SRPK1: variants seen among roughly 807,000 people sequenced by gnomAD.
SRPK1 encodes SFRS protein kinase 1.
SRPK1 carries 52 observed loss-of-function variants against 89.5 expected under a neutral mutation model. The ratio of observed to expected loss-of-function variants is 0.58; its 90% CI spans 0.46 to 0.73. The LOEUF is 0.73. SRPK1 is among the 30% of genes least tolerant of loss of function. The pLI, the probability that SRPK1 is intolerant of heterozygous loss-of-function variation, is 0.00. For missense variants in SRPK1, 603 were observed against 780.6 expected, an observed-to-expected ratio of 0.77 and a Z score of 2.71; for synonymous variants, 255 against 270.2, an observed-to-expected ratio of 0.94 and a Z score of 0.55.
chr6:35,870,480 T>C lies in SRPK1; in HGVS notation c.792A>G (p.Ser264=). 6.4e-7 allele frequency: 1 copy of C among 1,551,320 alleles called. No homozygotes were observed. Among genetic ancestry groups the C allele is most frequent in the Non-Finnish European group, 8.7e-7 (1 of 1,147,014 alleles). The change falls in exon 10 of 16, where the codon TCA becomes TCG. Residue 264 remains serine, a synonymous_variant. Coordinates refer to ENST00000373825, the MANE Select transcript of SRPK1 (RefSeq NM_003137.5). ...TCTTCAATTTCTTCTTCTTATTCTT[T>C]GACATTTTGTCAGCCTGGGCGGAGA... ...APQPKPADKM[S]KNKKKKLKKK... is the part of the protein sequence containing the mutation.
intron 2 of SRPK1, among the ~76,000 whole-genome samples, chr6:35,917,183 A>G (rs1325318644): frequency 6.6e-6 from 1 of 152,242 alleles, no homozygotes; most frequent in Non-Finnish European, 1.5e-5. Context: ...AGAGGGAGAT[A>G]GATGATTGTG....
In SRPK1 at chr6:35,918,512, G is replaced by GA. The variant is rs894384544; in HGVS notation, c.74+1955dup. On this transcript the variant is annotated intron_variant, in intron 2 of 15. Coordinates refer to ENST00000373825, the MANE Select transcript of SRPK1 (RefSeq NM_003137.5). The stretch of plus-strand genomic sequence containing the variant: ...TTTCTTTTTGCCTCAAAAAGAAAAA[G>GA]AAAAAAAAGGTAGGTAAATTCAAAA... Among the ~76,000 whole-genome samples the GA allele has an allele frequency of 4.0e-5, 6 of 150,572 alleles. No individual in the cohort carries two copies. In the South Asian group the frequency reaches 8.4e-4, roughly 21 times the overall value.
At chr6:35,876,142 T>C (rs1226303119) in intron 6 of SRPK1, among the ~76,000 whole-genome samples, 1 of 131,198 alleles carries the variant, frequency 7.6e-6, no homozygotes, top group Non-Finnish European at 1.6e-5. Flanking sequence ...TACGTAAGAT[T>C]AAAAGCACAT....
chr6:35,870,055 G>T (rs532870090), intron 10 of SRPK1, among the ~76,000 whole-genome samples, 154 bp from the exon 11 acceptor site: 7 of 152,288 alleles, frequency 4.6e-5, no homozygotes, highest in African/African-American at 1.7e-4. Context: ...GAAGGGCCAA[G>T]ATCTTACTTT....
At chr6:35,908,598 T>C (rs1237919453) in intron 2 of SRPK1, among the ~76,000 whole-genome samples, 1 of 152,144 alleles carries the variant, frequency 6.6e-6, no homozygotes, top group Non-Finnish European at 1.5e-5. Context: ...AAGAAATCAT[T>C]TGAAATTGGG....
At chr6:35,895,237 T>C (rs563840080) in intron 2 of SRPK1, among the ~76,000 whole-genome samples, 1 of 152,296 alleles carries the variant, frequency 6.6e-6, no homozygotes, top group East Asian at 1.9e-4. Flanking sequence ...GATTTTCTAC[T>C]TCAAAATCAA....
Position 35,834,487 on chromosome 6 carries a change from C to A in SRPK1, c.*817G>T, listed in dbSNP as rs1387215288. ...AAACTCAAGTGCAATGAGTAAAGTG[C>A]CAGCCATGGATACAAAAACAAAAAA... On this transcript the variant is annotated 3_prime_UTR_variant, in exon 16 of 16. Transcript: ENST00000373825. 3 of 152,100 alleles carry A rather than the reference C, an allele frequency of 2.0e-5. No homozygotes were observed. Among genetic ancestry groups the A allele is most frequent in the Non-Finnish European group, 4.4e-5 (3 of 68,030 alleles). The allele number at this position is 152,100 out of a possible 1,614,324, so 9.4% of individuals were successfully genotyped here. A position where few individuals can be genotyped will look rare whatever the true frequency, so the allele number is the denominator to read the frequency against.
chr6:35,917,955 A>T (rs1190980787), intron 2 of SRPK1, among the ~76,000 whole-genome samples: 1 of 152,192 alleles, frequency 6.6e-6, no homozygotes, highest in Non-Finnish European at 1.5e-5. Flanking sequence ...CCAAAGACCA[A>T]ACTCTATGGC....
At chr6:35,870,600 C>T in intron 9 of SRPK1, 106 bp from the exon 10 acceptor site, 1 of 1,050,948 alleles carries the variant, frequency 9.5e-7, no homozygotes, top group Non-Finnish European at 1.4e-6. Context: ...TTTCACAAAT[C>T]TTTCCCTAAC....
At chr6:35,841,954 CCA>C (rs1016874471) in intron 14 of SRPK1, among the ~76,000 whole-genome samples, 2 of 152,060 alleles carry the variant, frequency 1.3e-5, no homozygotes, top group African/African-American at 4.8e-5. Flanking sequence ...GTTGCTGCTT[CCA>C]CAGTCTCTCA....
intron 8 of SRPK1, among the ~76,000 whole-genome samples, chr6:35,871,880 A>C (rs35868461): frequency 0.17 from 25,237 of 152,036 alleles, 2,533 homozygotes; most frequent in Middle Eastern, 0.22. Context: ...TAAATGGACT[A>C]CAGGCACGCA....
Position 35,911,981 on chromosome 6 carries a change from T to C in SRPK1, c.74+8487A>G, listed in dbSNP as rs1561998184. 2.0e-5 allele frequency among the ~76,000 whole-genome samples: 3 copies of C among 151,892 alleles called. 1 individual carries two copies. The highest frequency in any genetic ancestry group is 4.2e-4 in the South Asian group (2 of 4,818). Reference sequence around the variant, plus strand: ...GCAGCAAACTTCATTGTTTAAGAAATTGCCACAGCTACTCCAACCTTGAGC... The same window carrying C: ...GCAGCAAACTTCATTGTTTAAGAAACTGCCACAGCTACTCCAACCTTGAGC... On this transcript the variant is annotated intron_variant, in intron 2 of 15. Coordinates refer to ENST00000373825, the MANE Select transcript of SRPK1 (RefSeq NM_003137.5).
chr6:35,919,281 G>C (rs920576183), intron 2 of SRPK1, among the ~76,000 whole-genome samples: 1 of 152,108 alleles, frequency 6.6e-6, no homozygotes, highest in Non-Finnish European at 1.5e-5. Context: ...AAGAGGTGAG[G>C]TCACCTACCA....
In SRPK1 at chr6:35,888,942, A is replaced by T; in HGVS notation, c.194-19T>A. ...TAACCTCCTGGAAGAAACAGGGGAA[A>T]TACAATCAGAAAAACCAGGATGAGA... On this transcript the variant is annotated intron_variant, in intron 3 of 15. Coordinates refer to ENST00000373825, the MANE Select transcript of SRPK1 (RefSeq NM_003137.5). 6.6e-7 allele frequency: 1 copy of T among 1,523,216 alleles called. No homozygotes were observed. The highest frequency in any genetic ancestry group is 9.1e-7 in the Non-Finnish European group (1 of 1,099,644). 94.4% of individuals were successfully genotyped at this position (1,523,216 alleles called of 1,614,324 possible).
intron 14 of SRPK1, among the ~76,000 whole-genome samples, chr6:35,839,150 G>T (rs1339366652): frequency 2.0e-5 from 3 of 152,208 alleles, no homozygotes; most frequent in Non-Finnish European, 2.9e-5. Context: ...CCAGTGGCTG[G>T]GATTTCAGGC....
chr6:35,882,161 TAGC>T (rs1554152843), intron 6 of SRPK1, among the ~76,000 whole-genome samples: 3 of 118,392 alleles, frequency 2.5e-5, no homozygotes, highest in African/African-American at 9.0e-5. Flanking sequence ...GTAGTAGTAG[TAGC>T]AGCAGCAGCA....
chr6:35,843,904 AATG>A (rs1478704038), intron 13 of SRPK1, among the ~76,000 whole-genome samples: 4 of 152,276 alleles, frequency 2.6e-5, no homozygotes, highest in African/African-American at 9.6e-5. Context: ...TGTCTTAGGA[AATG>A]ATATCCTTGG....
intron 8 of SRPK1, among the ~76,000 whole-genome samples, chr6:35,872,319 AAG>A (rs903182845): frequency 2.6e-5 from 4 of 152,210 alleles, no homozygotes; most frequent in African/African-American, 9.6e-5. Context: ...ATCAACTCAT[AAG>A]AAAAAATATT....
rs181923979 is a variant in SRPK1 at position 35,851,981 on chromosome 6, T to C, written c.1620+5280A>G. On this transcript the variant is annotated intron_variant, in intron 13 of 15. Coordinates refer to ENST00000373825, the MANE Select transcript of SRPK1 (RefSeq NM_003137.5). ...AAATAAATATGCCAACATACAGTTATATGAACTGACATGTACAAGCTATGA... is the reference window on the plus strand; with the variant it reads ...AAATAAATATGCCAACATACAGTTACATGAACTGACATGTACAAGCTATGA... Among the ~76,000 whole-genome samples, 555 of 152,366 alleles carry C rather than the reference T, an allele frequency of 3.6e-3. 5 individuals are homozygous for C. The Middle Eastern group carries it at 0.051, about 14-fold the overall frequency.
Sources: allele counts gnomAD v4.1 joint callset (sites outside exome capture counted in the v4.1 genomes callset), GRCh38; gene constraint gnomAD v4.1.1; transcripts MANE v1.5; gene names NCBI Gene and HGNC (gene_info 2026-07-23, HGNC 2026-07-21).